CASKIN1: variants seen among roughly 807,000 people sequenced by gnomAD.
CASKIN1 encodes caskin-1.
CASKIN1 carries 42 observed loss-of-function variants against 117.5 expected under a neutral mutation model. That is an observed-to-expected ratio of 0.36 (90% confidence interval 0.28 to 0.46). The LOEUF is 0.46. Among genes scored for constraint, CASKIN1 ranks in the 20% least tolerant of loss-of-function variants. The pLI is 1.00. For missense variants in CASKIN1, 2,083 were observed against 2,077.3 expected (o/e 1.00, Z -0.05); for synonymous variants, 1,148 against 961.7 (o/e 1.19, Z -3.59).
chr16:2,184,686 A>C (rs2093178411), intron 14 of CASKIN1, 91 bp downstream of exon 14: 19 of 1,170,860 alleles, frequency 1.6e-5, no homozygotes, highest in Admixed American at 3.4e-5. Context: ...CGCCGCTGCC[A>C]GGCCAGGCAG....
chr16:2,181,233 T>C lies in CASKIN1; in HGVS notation c.2135A>G (p.Asp712Gly). The C allele has an allele frequency of 6.3e-7, 1 of 1,594,294 alleles. No individual in the cohort carries two copies. Among genetic ancestry groups the C allele is most frequent in the Non-Finnish European group, 8.5e-7 (1 of 1,176,926 alleles). The change falls in exon 18 of 20, where the codon GAT becomes GGT. Residue 712 changes from aspartate to glycine, a missense_variant. Transcript: ENST00000343516. The stretch of plus-strand genomic sequence containing the variant: ...GGGGCTGCTGGGCCCAGGGGGCCCA[T>C]CTCCCAGCAGCTCCTGCGAGCTGCT... The part of the protein sequence containing the change: ...HMSSSQELLG[D>G]GPPGPSSPMS...
At chr16:2,190,980 C>G (rs1402875878) in intron 1 of CASKIN1, among the ~76,000 whole-genome samples, 1 of 152,202 alleles carries the variant, frequency 6.6e-6, no homozygotes, top group African/African-American at 2.4e-5. Context: ...CTCGGAGCAC[C>G]TGAGGCCAGA....
chr16:2,181,042 G>C lies in CASKIN1; in HGVS notation c.2326C>G (p.Pro776Ala). 1 of 1,488,102 alleles carries C rather than the reference G, an allele frequency of 6.7e-7. No homozygotes were observed. The highest frequency in any genetic ancestry group is 8.9e-7 in the Non-Finnish European group (1 of 1,123,830). 92.2% of individuals were successfully genotyped at this position (1,488,102 alleles called of 1,614,324 possible). A position where few individuals can be genotyped will look rare whatever the true frequency, so the allele number is the denominator to read the frequency against. The change falls in exon 18 of 20, where the codon CCC becomes GCC. Residue 776 changes from proline (P) to alanine (A), a missense_variant. By Grantham distance (27) the Pro-to-Ala change is conservative. This residue lies in a region of CASKIN1 where 1,818 missense variants were observed against 1,688.9 expected (regional missense o/e 1.08). Transcript: ENST00000343516. Reference sequence around the variant, plus strand: ...CGGGTTTTGGTGGGCGTCTGGGGGGGCGTGAAGTGGCTAGTGCCTGGTGGG... The same window carrying C: ...CGGGTTTTGGTGGGCGTCTGGGGGGCCGTGAAGTGGCTAGTGCCTGGTGGG... ...VLPPGTSHFT[P>A]PQTPTKTRPG...
At chr16:2,189,589 G>A (rs1376647212) in intron 3 of CASKIN1, 25 bp from the exon 4 acceptor site, 2 of 1,575,732 alleles carry the variant, frequency 1.3e-6, no homozygotes, top group Non-Finnish European at 1.7e-6. Context: ...GATGCTGGGA[G>A]CTGACCCTTG....
chr16:2,188,930 G>A (rs11860560), intron 6 of CASKIN1, 97 bp downstream of exon 6: 118,401 of 1,505,744 alleles, frequency 0.079, 5,269 homozygotes, highest in African/African-American at 0.16. Flanking sequence ...GCCTGCTCCC[G>A]CCCTATCCCC....
At chr16:2,193,303 C>T (rs980862518) in intron 1 of CASKIN1, among the ~76,000 whole-genome samples, 2 of 152,222 alleles carry the variant, frequency 1.3e-5, no homozygotes, top group Admixed American at 6.5e-5. Context: ...AGGCATGAGC[C>T]ACCATGCCCG....
chr16:2,186,551 G>A (rs1355413081), intron 10 of CASKIN1, among the ~76,000 whole-genome samples, 156 bp downstream of exon 10: 1 of 152,156 alleles, frequency 6.6e-6, no homozygotes, highest in Non-Finnish European at 1.5e-5. Context: ...CGGACGAGGA[G>A]ACGGCCGCTG....
chr16:2,187,060 G>A lies in CASKIN1; in HGVS notation c.848C>T (p.Ala283Val), dbSNP rs755035400. The A allele has an allele frequency of 2.5e-6, 4 of 1,613,678 alleles. No individual in the cohort carries two copies. Among genetic ancestry groups the A allele is most frequent in the Non-Finnish European group, 3.4e-6 (4 of 1,179,914 alleles). The change falls in exon 9 of 20, where the codon GCC (alanine) becomes GTC (valine). Residue 283 changes from alanine (A) to valine (V), a missense_variant. Ala to Val is a moderately conservative substitution (Grantham distance 64, BLOSUM62 0). Transcript: ENST00000343516. The stretch of plus-strand genomic sequence containing the variant: ...ATCCTTGGTCGCCCGGACCTGCAGG[G>A]CCGCTGAGGCCTCTGGGGATACAGG... ...IKQLLREASA[A>V]LQVRATKDYC...
chr16:2,189,729 C>T (rs1050905340), intron 3 of CASKIN1, among the ~76,000 whole-genome samples, 165 bp from the exon 4 acceptor site: 3 of 148,854 alleles, frequency 2.0e-5, no homozygotes, highest in Non-Finnish European at 3.0e-5. Context: ...GGGTTGGGGG[C>T]GGGGGTTTGC....
intron 8 of CASKIN1, 26 bp downstream of exon 8, chr16:2,187,134 AGCCACT>A: frequency 6.2e-7 from 1 of 1,613,050 alleles, no homozygotes; most frequent in Non-Finnish European, 8.5e-7. Context: ...CCCCAGCCCC[AGCCACT>A]GCCCCTCTGC....
At position 2,184,825 on chromosome 16, in the gene CASKIN1, G is replaced by A. The variant is rs1397314482; in HGVS notation, c.1368C>T (p.Val456=). Residue 456 remains valine (V), a synonymous_variant, in exon 14 of 20, where the codon GTC becomes GTT. Coordinates refer to ENST00000343516, the MANE Select transcript of CASKIN1 (RefSeq NM_020764.4). ...SQPPVAHAGQ[V]YGEQPPKKLE... ...GCTTCTTGGGCGGCTGCTCCCCATA[G>A]ACCTGCCCGGCGTGGGCCACTGGAG... The A allele has an allele frequency of 6.4e-7, 1 of 1,557,410 alleles. No individual in the cohort carries two copies. The highest frequency in any genetic ancestry group is 1.2e-5 in the South Asian group (1 of 84,144).
At position 2,178,292 on chromosome 16, in the gene CASKIN1, G is replaced by A. The variant is rs898759093; in HGVS notation, c.*258C>T. 5 of 419,366 alleles carry A rather than the reference G, an allele frequency of 1.2e-5. No individual in the cohort carries two copies. The East Asian group carries it at 2.4e-4, about 20-fold the overall frequency. 26.0% of individuals were successfully genotyped at this position (419,366 alleles called of 1,614,324 possible). A position where few individuals can be genotyped will look rare whatever the true frequency, so the allele number is the denominator to read the frequency against. ...CCCGGGGCGCCCTCCCCTCCCGCGC[G>A]GGCAGGAGGCCCAGCAGGTATTGCA... On this transcript the variant is annotated 3_prime_UTR_variant, in exon 20 of 20. Coordinates refer to ENST00000343516, the MANE Select transcript of CASKIN1 (RefSeq NM_020764.4).
At position 2,194,461 on chromosome 16, in the gene CASKIN1, G is replaced by A. The variant is rs1403506555; in HGVS notation, c.94+1878C>T. Among the ~76,000 whole-genome samples the A allele has an allele frequency of 5.3e-5, 8 of 152,268 alleles. No homozygotes were observed. In the East Asian group the frequency reaches 1.4e-3, roughly 26 times the overall value. ...GAGCAGGGGCTGGAGGGAAGGGACT[G>A]GGCAACCAGAGGGGACCATGGAAGC... On this transcript the variant is annotated intron_variant, in intron 1 of 19. Coordinates refer to ENST00000343516, the MANE Select transcript of CASKIN1 (RefSeq NM_020764.4).
Position 2,178,342 on chromosome 16 carries a change from C to T in CASKIN1, c.*208G>A. On this transcript the variant is annotated 3_prime_UTR_variant, in exon 20 of 20. Transcript: ENST00000343516. ...ACGGGGAGCAGCAGGTGGGGAGGAC[C>T]CGCGGGCGCAGGGTCTGCCTAGAGC... is the stretch of plus-strand genomic sequence containing the variant. 2.2e-6 allele frequency: 1 copy of T among 452,784 alleles called. No individual in the cohort carries two copies. Among genetic ancestry groups the T allele is most frequent in the Non-Finnish European group, 3.9e-6 (1 of 255,092 alleles). 28.0% of individuals were successfully genotyped at this position (452,784 alleles called of 1,614,324 possible). A position where few individuals can be genotyped will look rare whatever the true frequency, so the allele number is the denominator to read the frequency against.
At chr16:2,178,728 G>C in intron 19 of CASKIN1, 82 bp from the exon 20 acceptor site, 2 of 1,369,140 alleles carry the variant, frequency 1.5e-6, no homozygotes, top group Non-Finnish European at 1.9e-6. Context: ...CCCACGTCCC[G>C]CATCTCCGTC....
At chr16:2,193,592 G>A (rs1463955312) in intron 1 of CASKIN1, among the ~76,000 whole-genome samples, 2 of 152,230 alleles carry the variant, frequency 1.3e-5, no homozygotes, top group African/African-American at 4.8e-5. Context: ...GGCAGCCAGT[G>A]TGGAAACCAC....
chr16:2,186,755 C>T lies in CASKIN1; in HGVS notation c.1000G>A (p.Val334Met), dbSNP rs368893805. Reference protein sequence around the residue: ...IHDNRTGNDRVGYFPSSLGEA... With the variant: ...IHDNRTGNDRMGYFPSSLGEA... ...CCCAGGGAGGACGGGAAGTAGCCCA[C>T]CCGGTCATTGCCCGTCCGGTTGTCA... Residue 334 changes from valine to methionine, a missense_variant, in exon 10 of 20, where the codon GTG becomes ATG. Physicochemically the swap from Val to Met is conservative, Grantham distance 21 (BLOSUM62 1). Transcript: ENST00000343516. 11 of 1,612,880 alleles carry T rather than the reference C, an allele frequency of 6.8e-6. No individual in the cohort carries two copies. Among genetic ancestry groups the T allele is most frequent in the Non-Finnish European group, 9.3e-6 (11 of 1,179,976 alleles).
intron 1 of CASKIN1, among the ~76,000 whole-genome samples, chr16:2,195,969 TG>T (rs894119401): frequency 8.8e-5 from 12 of 137,018 alleles, no homozygotes; most frequent in African/African-American, 3.2e-4. Flanking sequence ...GTGCGTGTGG[TG>T]GGTGGGGGGG....
In CASKIN1 at chr16:2,179,997, A is replaced by C; in HGVS notation, c.3371T>G (p.Leu1124Arg). 1 of 1,603,620 alleles carries C rather than the reference A, an allele frequency of 6.2e-7. No individual in the cohort carries two copies. Among genetic ancestry groups the C allele is most frequent in the Non-Finnish European group, 8.5e-7 (1 of 1,175,634 alleles). The change falls in exon 18 of 20, where the codon CTC becomes CGC. Residue 1124 changes from leucine (L) to arginine (R), a missense_variant. Leu to Arg is a moderately radical substitution (Grantham distance 102). Coordinates refer to ENST00000343516, the MANE Select transcript of CASKIN1 (RefSeq NM_020764.4). This position sits in a 1 kb window ranked among gnomAD's most constrained non-coding sequence, Gnocchi z 5.8. ...PLAKVEASAT[L>R]KRRIRAKQNQ... Reference sequence around the variant, plus strand: ...CTGCTTGGCCCGGATGCGCCTCTTGAGTGTGGCGCTGGCTTCCACCTTGGC... The same window carrying C: ...CTGCTTGGCCCGGATGCGCCTCTTGCGTGTGGCGCTGGCTTCCACCTTGGC...
Sources: allele counts gnomAD v4.1 joint callset (sites outside exome capture counted in the v4.1 genomes callset), GRCh38; gene constraint gnomAD v4.1.1; regional missense constraint gnomAD v4.1.1; non-coding constraint Gnocchi (gnomAD v3.1); transcripts MANE v1.5; gene names NCBI Gene and HGNC (gene_info 2026-07-23, HGNC 2026-07-21).